FER: variants seen among roughly 807,000 people sequenced by gnomAD.
FER encodes the protein tyrosine-protein kinase Fer.
In FER, 63 loss-of-function variants were observed where a neutral mutation model predicts 111.0. That is an observed-to-expected ratio of 0.57 (90% CI 0.46 to 0.70). The LOEUF is 0.70. FER is among the 30% of genes least tolerant of loss of function. The pLI, the probability that FER is intolerant of heterozygous loss-of-function variation, is 0.00. For synonymous variants in FER, 327 were observed against 313.9 expected (o/e 1.04, Z -0.44); for missense variants, 914 against 954.0 (o/e 0.96, Z 0.55).
Position 108,807,734 on chromosome 5 carries a change from C to G in FER, c.207+9345C>G, listed in dbSNP as rs533676881. ...GATCCTGAATTCGAGATCTTTCTAC[C>G]TTTTTGAGGTGGTGTTTAGTGCTAT... is the stretch of plus-strand genomic sequence containing the variant. On this transcript the variant is annotated intron_variant, in intron 3 of 19. Transcript: ENST00000281092. 2.6e-5 allele frequency among the ~76,000 whole-genome samples: 4 copies of G among 152,034 alleles called. No homozygotes were observed. In the South Asian group the frequency reaches 8.3e-4, roughly 32 times the overall value.
At chr5:108,840,131 C>T (rs1761109168) in intron 5 of FER, among the ~76,000 whole-genome samples, 1 of 152,198 alleles carries the variant, frequency 6.6e-6, no homozygotes, top group African/African-American at 2.4e-5. Flanking sequence ...TTTCAGGCGT[C>T]ATATACTCTT....
chr5:109,000,499 A>G (rs929976677), intron 13 of FER, among the ~76,000 whole-genome samples: 3 of 152,188 alleles, frequency 2.0e-5, no homozygotes, highest in African/African-American at 7.2e-5. Flanking sequence ...GACACATTCA[A>G]AGCAGGGTGT....
At chr5:108,844,078 A>G (rs1358149880) in intron 5 of FER, among the ~76,000 whole-genome samples, 2 of 130,856 alleles carry the variant, frequency 1.5e-5, no homozygotes, top group African/African-American at 5.6e-5. Context: ...GTGTGTGAAC[A>G]TATATGCGTG....
intron 16 of FER, among the ~76,000 whole-genome samples, chr5:109,059,135 C>A (rs549888773): frequency 6.6e-5 from 10 of 152,142 alleles, no homozygotes; most frequent in Admixed American, 2.6e-4. Flanking sequence ...TCTACTATAC[C>A]ACTTTTTGTT....
At chr5:108,933,107 A>G (rs1053780189) in intron 10 of FER, among the ~76,000 whole-genome samples, 8 of 151,840 alleles carry the variant, frequency 5.3e-5, no homozygotes, top group Non-Finnish European at 1.2e-4. Context: ...ATTAGATCCC[A>G]TTTGTCAATT....
intron 2 of FER, among the ~76,000 whole-genome samples, chr5:108,786,350 T>C (rs1754713962): frequency 6.6e-6 from 1 of 152,234 alleles, no homozygotes; most frequent in South Asian, 2.1e-4. Context: ...GAGTATCCAG[T>C]GTGAAGTCTC....
intron 10 of FER, among the ~76,000 whole-genome samples, chr5:108,938,350 G>C (rs1180670125): frequency 6.6e-6 from 1 of 151,944 alleles, no homozygotes; most frequent in Non-Finnish European, 1.5e-5. Context: ...AGAAGGTATG[G>C]AAAAAAGTTG....
At chr5:108,959,161 A>C in intron 12 of FER, 64 bp from the exon 13 acceptor site, 1 of 1,522,910 alleles carries the variant, frequency 6.6e-7, no homozygotes, top group South Asian at 1.2e-5. Context: ...CTAATTTATC[A>C]ATGAATGTAG....
chr5:109,002,315 G>A (rs1163089820), intron 13 of FER, among the ~76,000 whole-genome samples: 8 of 151,648 alleles, frequency 5.3e-5, no homozygotes, highest in Non-Finnish European at 7.4e-5. Flanking sequence ...CAGAAATAAC[G>A]CCGCATATCT....
chr5:109,009,168 C>G (rs1765904884), intron 13 of FER, among the ~76,000 whole-genome samples: 1 of 148,068 alleles, frequency 6.8e-6, no homozygotes, highest in Non-Finnish European at 1.5e-5. Flanking sequence ...CTGCCTTAGT[C>G]TCCCAAGTAG....
intron 8 of FER, among the ~76,000 whole-genome samples, chr5:108,875,757 A>G (rs376127675): frequency 1.3e-5 from 2 of 152,212 alleles, no homozygotes; most frequent in African/African-American, 4.8e-5. Context: ...CTAAAATAAT[A>G]TAAGCATTAA....
At chr5:109,035,005 T>C (rs1052850892) in intron 13 of FER, among the ~76,000 whole-genome samples, 1 of 151,380 alleles carries the variant, frequency 6.6e-6, no homozygotes, top group Non-Finnish European at 1.5e-5. Context: ...TTTAAATATA[T>C]AGTTCAATGA....
intron 3 of FER, among the ~76,000 whole-genome samples, chr5:108,829,153 C>T (rs1189750941): frequency 6.6e-6 from 1 of 152,184 alleles, no homozygotes; most frequent in African/African-American, 2.4e-5. Flanking sequence ...ATATCCCACC[C>T]ACCCAGCTAA....
At chr5:109,054,732 G>A (rs72790594) in intron 16 of FER, among the ~76,000 whole-genome samples, 4,796 of 152,226 alleles carry the variant, frequency 0.032, 99 homozygotes, top group Middle Eastern at 0.11. Context: ...ATATTTGAGT[G>A]TAGGACCCAT....
chr5:109,073,146 G>C (rs2149999504), intron 16 of FER, among the ~76,000 whole-genome samples: 1 of 152,208 alleles, frequency 6.6e-6, no homozygotes, highest in South Asian at 2.1e-4. Context: ...ATTTTGGGGG[G>C]ACAATGTTCA....
At chr5:108,938,700 G>C (rs1482414114) in intron 10 of FER, among the ~76,000 whole-genome samples, 2 of 152,000 alleles carry the variant, frequency 1.3e-5, no homozygotes, top group Non-Finnish European at 2.9e-5. Flanking sequence ...GAGACTACAA[G>C]ACTTAAGAGT....
At chr5:108,920,774 A>T (rs192154209) in intron 10 of FER, among the ~76,000 whole-genome samples, 21 of 152,282 alleles carry the variant, frequency 1.4e-4, no homozygotes, top group African/African-American at 4.3e-4. Flanking sequence ...AACTTGAGTT[A>T]TCGTAATGTA....
intron 9 of FER, among the ~76,000 whole-genome samples, chr5:108,893,589 AAAC>A (rs1450165258): frequency 6.6e-6 from 1 of 152,130 alleles, no homozygotes; most frequent in African/African-American, 2.4e-5. Flanking sequence ...TACCACATGG[AAAC>A]AACAACAATA....
chr5:109,028,376 T>A (rs961837000), intron 13 of FER, among the ~76,000 whole-genome samples: 35 of 152,300 alleles, frequency 2.3e-4, no homozygotes, highest in African/African-American at 8.4e-4. Context: ...GAATAGAACT[T>A]GAAACTTAAA....
Sources: gnomAD v4.1 joint callset for allele counts (sites outside exome capture counted in the v4.1 genomes callset) on GRCh38, gnomAD v4.1.1 for gene constraint, MANE v1.5 for transcripts, NCBI Gene and HGNC (gene_info 2026-07-23, HGNC 2026-07-21) for gene names.